DIAPH2: variants seen among roughly 807,000 people sequenced by gnomAD.
DIAPH2 encodes the protein diaphanous related formin 2, also known as protein diaphanous homolog 2.
Under a neutral mutation model 92.7 loss-of-function variants are expected in DIAPH2, and 35 were observed. The ratio of observed to expected loss-of-function variants is 0.38; its 90% CI spans 0.29 to 0.50. The LOEUF (loss-of-function observed/expected upper bound fraction) is 0.50, where lower values mean the gene tolerates loss of function less well. DIAPH2 is among the 20% of genes least tolerant of loss of function. DIAPH2 has a pLI of 0.94. For synonymous variants in DIAPH2, 301 were observed against 280.4 expected, an observed-to-expected ratio of 1.07 and a Z score of -0.73; for missense variants, 701 against 819.5, an observed-to-expected ratio of 0.86 and a Z score of 1.77.
intron 4 of DIAPH2, among the ~76,000 whole-genome samples, chrX:96,765,930 C>T (rs2064301336): frequency 9.0e-6 from 1 of 111,111 alleles, no homozygotes; most frequent in South Asian, 3.8e-4. Context: ...TTAGTGTGTC[C>T]GCCAAGCTCC....
At chrX:96,854,549 C>G (rs1483897407) in intron 4 of DIAPH2, among the ~76,000 whole-genome samples, 1 of 95,950 alleles carries the variant, frequency 1.0e-5, no homozygotes, top group Non-Finnish European at 2.1e-5. Context: ...CTCTCTTTCT[C>G]TCTCTCTGTA....
At chrX:97,543,569 A>G (rs773427936) in intron 26 of DIAPH2, among the ~76,000 whole-genome samples, 4 of 110,102 alleles carry the variant, frequency 3.6e-5, no homozygotes, top group Non-Finnish European at 5.7e-5. Flanking sequence ...CAGTGATGCG[A>G]TCTTGACTCA....
intron 15 of DIAPH2, among the ~76,000 whole-genome samples, chrX:96,949,687 C>CAAAAAAA (rs1167294262): frequency 4.7e-4 from 19 of 40,330 alleles, no homozygotes; most frequent in Admixed American, 7.6e-4. Context: ...ACTAAAAATA[C>CAAAAAAA]AAAAAAAAAA....
chrX:97,254,792 C>T (rs189829764), intron 23 of DIAPH2, among the ~76,000 whole-genome samples: 1,283 of 108,863 alleles, frequency 0.012, 2 homozygotes, highest in Middle Eastern at 0.019. Context: ...GGTACAGTCC[C>T]GAGTTCAAGC....
At chrX:97,302,969 G>A (rs149402256) in intron 23 of DIAPH2, among the ~76,000 whole-genome samples, 1,536 of 112,533 alleles carry the variant, frequency 0.014, 24 homozygotes, top group African/African-American at 0.048. Context: ...AGGGGATAGA[G>A]TGAGACTCTG....
chrX:96,887,427 T>C (rs907021679), intron 5 of DIAPH2, among the ~76,000 whole-genome samples: 2 of 111,215 alleles, frequency 1.8e-5, no homozygotes, highest in African/African-American at 6.5e-5. Flanking sequence ...CTATTGACTA[T>C]TTTGGGCAGG....
At chrX:96,814,387 G>T (rs763050694) in intron 4 of DIAPH2, among the ~76,000 whole-genome samples, 1 of 111,512 alleles carries the variant, frequency 9.0e-6, no homozygotes, top group East Asian at 2.8e-4. Flanking sequence ...GGTCATTTAA[G>T]GTCTTCTCTA....
chrX:97,234,353 AAAAG>A (rs1263137523), intron 22 of DIAPH2, among the ~76,000 whole-genome samples: 3 of 108,470 alleles, frequency 2.8e-5, no homozygotes, highest in African/African-American at 1.0e-4. Flanking sequence ...AAAAAAGAAA[AAAAG>A]AAATCCAGAG....
intron 17 of DIAPH2, among the ~76,000 whole-genome samples, chrX:97,067,356 TTG>T (rs2066640766): frequency 8.9e-6 from 1 of 112,290 alleles, no homozygotes; most frequent in African/African-American, 3.2e-5. Flanking sequence ...ATAGGAATGT[TTG>T]TGAGATTTAT....
chrX:97,063,981 A>G (rs1342889483), intron 17 of DIAPH2, among the ~76,000 whole-genome samples: 1 of 112,098 alleles, frequency 8.9e-6, no homozygotes, highest in Non-Finnish European at 1.9e-5. Flanking sequence ...TGTTGCAACA[A>G]ACATGGTATA....
chrX:96,977,976 G>A (rs978901797), intron 17 of DIAPH2, among the ~76,000 whole-genome samples: 8 of 112,074 alleles, frequency 7.1e-5, no homozygotes, highest in African/African-American at 9.7e-5. Context: ...GAGCCACCGC[G>A]CCTGGCCAGT....
chrX:97,206,130 A>T (rs1232078281), intron 22 of DIAPH2, among the ~76,000 whole-genome samples: 1 of 110,743 alleles, frequency 9.0e-6, no homozygotes, highest in Non-Finnish European at 1.9e-5. Flanking sequence ...CAGGGAGGGG[A>T]CCAACACACA....
intron 1 of DIAPH2, among the ~76,000 whole-genome samples, chrX:96,696,248 A>G (rs2063824770): frequency 1.8e-5 from 2 of 111,543 alleles, no homozygotes; most frequent in African/African-American, 6.5e-5. Flanking sequence ...CCCTGACTCT[A>G]AAAGAAAAGA....
At chrX:97,117,959 T>C (rs1051743664) in intron 21 of DIAPH2, among the ~76,000 whole-genome samples, 2 of 111,228 alleles carry the variant, frequency 1.8e-5, no homozygotes, top group African/African-American at 6.5e-5. Flanking sequence ...GCCATTTGTT[T>C]GTTGTTTTTT....
intron 4 of DIAPH2, among the ~76,000 whole-genome samples, chrX:96,848,827 C>G (rs760054612): frequency 2.7e-5 from 3 of 111,769 alleles, no homozygotes; most frequent in Non-Finnish European, 5.6e-5. Flanking sequence ...TTTATTCTGC[C>G]TTTTTGAAGA....
intron 23 of DIAPH2, among the ~76,000 whole-genome samples, chrX:97,275,365 G>A (rs1364370558): frequency 4.0e-5 from 4 of 100,845 alleles, no homozygotes; most frequent in Admixed American, 1.0e-4. Context: ...CTGGCCGGGC[G>A]GGGGCTGCCC....
chrX:96,815,523 G>A (rs188467984), intron 4 of DIAPH2, among the ~76,000 whole-genome samples: 127 of 112,131 alleles, frequency 1.1e-3, no homozygotes, highest in Middle Eastern at 4.6e-3. Context: ...CTCGCCCTCC[G>A]TGGGCTGCAC....
At chrX:97,508,572 T>C (rs2070854106) in intron 26 of DIAPH2, among the ~76,000 whole-genome samples, 1 of 112,093 alleles carries the variant, frequency 8.9e-6, no homozygotes, top group Admixed American at 9.5e-5. Context: ...AACCTACATG[T>C]GCTGTCTTTT....
At chrX:96,914,669 T>C (rs1280481499) in intron 7 of DIAPH2, among the ~76,000 whole-genome samples, 6 of 102,360 alleles carry the variant, frequency 5.9e-5, no homozygotes, top group African/African-American at 1.4e-4. Flanking sequence ...TATAGAGCCC[T>C]TTTTTTTTTT....
Sources: allele counts gnomAD v4.1 joint callset (sites outside exome capture counted in the v4.1 genomes callset), GRCh38; gene constraint gnomAD v4.1.1; transcripts MANE v1.5; gene names NCBI Gene and HGNC (gene_info 2026-07-23, HGNC 2026-07-21).